ENAH: variants seen among roughly 807,000 people sequenced by gnomAD.
ENAH encodes the protein protein enabled homolog.
Under a neutral mutation model 78.7 loss-of-function variants are expected in ENAH, and 23 were observed. The ratio of observed to expected loss-of-function variants is 0.29; its 90% CI spans 0.21 to 0.41. The LOEUF (loss-of-function observed/expected upper bound fraction) is 0.41, where lower values mean the gene tolerates loss of function less well. Ranked by LOEUF, ENAH falls within the 10% of genes least tolerant of loss-of-function variation. The pLI, the probability that ENAH is intolerant of heterozygous loss-of-function variation, is 1.00. For missense variants in ENAH, 544 were observed against 691.0 expected, an observed-to-expected ratio of 0.79 and a Z score of 2.39; for synonymous variants, 226 against 241.0, an observed-to-expected ratio of 0.94 and a Z score of 0.58.
chr1:225,517,998 G>A, intron 5 of ENAH: 1 of 1,535,518 alleles, frequency 6.5e-7, no homozygotes, highest in Non-Finnish European at 8.7e-7. Context: ...GAGCTGGACA[G>A]AAGGTGGAAA....
chr1:225,519,365 C>T lies in ENAH; in HGVS notation c.635G>A (p.Arg212Gln), dbSNP rs771022968. The change falls in exon 5 of 14, where the codon CGG becomes CAG. Residue 212 changes from arginine (R) to glutamine (Q), a missense_variant. Arg to Gln is a conservative substitution (Grantham distance 43). Transcript: ENST00000366843. Reference protein sequence around the residue: ...ERLERQERLERQERLERQERL... With the variant: ...ERLERQERLEQQERLERQERL... ...TTCCTGCCGCTCCAGGCGTTCCTGC[C>T]GCTCCAGGCGTTCCTGCCGCTCCAG... 17 of 1,609,158 alleles carry T rather than the reference C, an allele frequency of 1.1e-5. No homozygotes were observed. In the South Asian group the frequency reaches 1.6e-4, roughly 16 times the overall value.
chr1:225,537,744 G>C (rs1006844474), intron 3 of ENAH, among the ~76,000 whole-genome samples: 17 of 142,256 alleles, frequency 1.2e-4, no homozygotes, highest in African/African-American at 4.2e-4. Flanking sequence ...TTTCACGGCT[G>C]TCCCTTTATC....
intron 3 of ENAH, among the ~76,000 whole-genome samples, chr1:225,544,622 C>G (rs1439356927): frequency 1.3e-5 from 2 of 152,162 alleles, no homozygotes; most frequent in Non-Finnish European, 2.9e-5. Flanking sequence ...CACCTTGGGG[C>G]AGGACAAGAT....
chr1:225,583,433 CA>C (rs67324652), intron 1 of ENAH, among the ~76,000 whole-genome samples: 57,213 of 100,218 alleles, frequency 0.57, 14,350 homozygotes, highest in Middle Eastern at 0.71. Context: ...GACCCTGTAT[CA>C]AAAAAAAAAA....
At chr1:225,566,027 GCAC>G (rs1400686278) in intron 2 of ENAH, among the ~76,000 whole-genome samples, 1 of 152,010 alleles carries the variant, frequency 6.6e-6, no homozygotes, top group Non-Finnish European at 1.5e-5. Flanking sequence ...CTCCACGCAG[GCAC>G]CACATTTGTT....
chr1:225,592,011 A>G (rs2096879543), intron 1 of ENAH, among the ~76,000 whole-genome samples: 1 of 152,196 alleles, frequency 6.6e-6, no homozygotes, highest in East Asian at 1.9e-4. Context: ...TTTCTAGAGT[A>G]TAATAATAAC....
chr1:225,608,330 A>G (rs1165862125), intron 1 of ENAH, among the ~76,000 whole-genome samples: 4 of 151,754 alleles, frequency 2.6e-5, no homozygotes, highest in Non-Finnish European at 5.9e-5. Flanking sequence ...GTCCATTACC[A>G]AAGAAACAAC....
chr1:225,560,834 T>C (rs974745146), intron 2 of ENAH, among the ~76,000 whole-genome samples: 3 of 152,248 alleles, frequency 2.0e-5, no homozygotes, highest in African/African-American at 4.8e-5. Context: ...AAAGATGTGT[T>C]ACATTTACTT....
rs1170899143 is a variant in ENAH, at chr1:225,554,106, A to G, written c.349+800T>C. ...TCTGACTGCAACTCTTTCCTCTTAA[A>G]ATATATATTGTTTACAGTACATTTA... On this transcript the variant is annotated intron_variant, in intron 3 of 13. Transcript: ENST00000366843. Among the ~76,000 whole-genome samples, 8 of 152,296 alleles carry G rather than the reference A, an allele frequency of 5.3e-5. No individual in the cohort carries two copies. The East Asian group carries it at 1.3e-3, about 26-fold the overall frequency.
intron 1 of ENAH, among the ~76,000 whole-genome samples, chr1:225,575,574 A>G (rs562951905): frequency 1.9e-4 from 29 of 152,290 alleles, no homozygotes; most frequent in Admixed American, 9.8e-4. Flanking sequence ...AAATAGTCTA[A>G]AACTACAGCA....
At chr1:225,562,621 C>T (rs1575540290) in intron 2 of ENAH, among the ~76,000 whole-genome samples, 1 of 141,778 alleles carries the variant, frequency 7.1e-6, no homozygotes, top group African/African-American at 2.6e-5. Flanking sequence ...AGCATAGTAC[C>T]CATAAGCACT....
chr1:225,558,328 A>C (rs964352493), intron 2 of ENAH, among the ~76,000 whole-genome samples: 5 of 152,188 alleles, frequency 3.3e-5, no homozygotes, highest in East Asian at 1.9e-4. Context: ...GTTGAAAAGA[A>C]CACCACCAGT....
At chr1:225,572,301 TG>T (rs2096767061) in intron 1 of ENAH, among the ~76,000 whole-genome samples, 2 of 152,126 alleles carry the variant, frequency 1.3e-5, no homozygotes, top group African/African-American at 4.8e-5. Context: ...CATGGAGCCA[TG>T]AACATCAAAA....
At chr1:225,510,070 G>C (rs1288009606) in intron 10 of ENAH, among the ~76,000 whole-genome samples, 1 of 152,164 alleles carries the variant, frequency 6.6e-6, no homozygotes, top group Non-Finnish European at 1.5e-5. Context: ...CATCTTCCCA[G>C]CTGTACCATG....
rs1339663050 is a variant in ENAH, at chr1:225,506,565, T to TA, written c.1538+1385_1538+1386insT. 1.4e-4 allele frequency among the ~76,000 whole-genome samples: 22 copies of TA among 152,332 alleles called. No individual in the cohort carries two copies. The East Asian group carries it at 4.0e-3, about 28-fold the overall frequency. ...AAAATCCGTAACTAGTAGAGATGTG[T>TA]TAGAAGGCCATCTCAGTTAGGAGTC... On this transcript the variant is annotated intron_variant, in intron 11 of 13. Coordinates refer to ENST00000366843, the MANE Select transcript of ENAH (RefSeq NM_018212.6).
At chr1:225,501,433 G>GT (rs1300305743) in intron 11 of ENAH, among the ~76,000 whole-genome samples, 1 of 152,154 alleles carries the variant, frequency 6.6e-6, no homozygotes, top group Admixed American at 6.5e-5. Flanking sequence ...ACACAATCTT[G>GT]TTTTGTCTTT....
intron 7 of ENAH, 113 bp from the exon 8 acceptor site, chr1:225,513,129 A>G (rs975442213): frequency 8.1e-5 from 79 of 973,642 alleles, no homozygotes; most frequent in Non-Finnish European, 1.1e-4. Context: ...AAAAACCTAA[A>G]TATTATTTTT....
intron 6 of ENAH, 72 bp downstream of exon 6, chr1:225,517,124 C>T: frequency 7.8e-7 from 1 of 1,285,326 alleles, no homozygotes; most frequent in Non-Finnish European, 1.0e-6. Context: ...CCCATCCATT[C>T]AGGCAATTAA....
At chr1:225,515,711 A>G (rs926421240) in intron 6 of ENAH, among the ~76,000 whole-genome samples, 2 of 152,164 alleles carry the variant, frequency 1.3e-5, no homozygotes, top group African/African-American at 4.8e-5. Context: ...GAACGAATAA[A>G]ATGCTATTTT....
Sources: allele counts gnomAD v4.1 joint callset (sites outside exome capture counted in the v4.1 genomes callset), GRCh38; gene constraint gnomAD v4.1.1; transcripts MANE v1.5; gene names NCBI Gene and HGNC (gene_info 2026-07-23, HGNC 2026-07-21).